SPAG9: variants seen among roughly 807,000 people sequenced by gnomAD.
SPAG9 encodes sperm associated antigen 9.
Under a neutral mutation model 166.5 loss-of-function variants are expected in SPAG9, and 35 were observed. That is an observed-to-expected ratio of 0.21 (90% CI 0.16 to 0.28). SPAG9 has a LOEUF of 0.28. SPAG9 is among the 10% of genes least tolerant of loss of function. The probability of loss-of-function intolerance (pLI) is 1.00; values close to 1 mark genes in which losing one functional copy is unlikely to be tolerated. For missense variants in SPAG9, 1,235 were observed against 1,603.3 expected, an observed-to-expected ratio of 0.77 and a Z score of 3.92; for synonymous variants, 534 against 565.5, an observed-to-expected ratio of 0.94 and a Z score of 0.79.
At chr17:51,001,873 T>C in intron 12 of SPAG9, 28 bp from the exon 13 acceptor site, 1 of 1,602,342 alleles carries the variant, frequency 6.2e-7, no homozygotes, top group African/African-American at 1.3e-5. Flanking sequence ...TGACATATCA[T>C]TCTGGAAGCT....
At chr17:50,966,489 A>C in intron 29 of SPAG9, 102 bp from the exon 30 acceptor site, 2 of 757,788 alleles carry the variant, frequency 2.6e-6, no homozygotes, top group Non-Finnish European at 4.7e-6. Context: ...CAAGATGCCC[A>C]AAACTTGTCT....
At chr17:50,975,540 G>A (rs1974148727) in intron 27 of SPAG9, among the ~76,000 whole-genome samples, 2 of 152,252 alleles carry the variant, frequency 1.3e-5, no homozygotes, top group South Asian at 2.1e-4. Context: ...GTAAGTAAAT[G>A]AAAGAAATAT....
rs1302816774 is a variant in SPAG9 at position 50,966,273 on chromosome 17, C to T, written c.3965G>A (p.Ter1322=). The T allele has an allele frequency of 6.3e-6, 10 of 1,592,614 alleles. No homozygotes were observed. Among genetic ancestry groups the T allele is most frequent in the South Asian group, 1.1e-5 (1 of 90,686 alleles). The change falls in exon 30 of 30, where the codon TGA becomes TAA. Residue 1322 remains the stop codon, a stop_retained_variant. Coordinates refer to ENST00000262013, the MANE Select transcript of SPAG9 (RefSeq NM_001130528.3). ...IVWQVMYGNE[*] is the part of the protein sequence containing the mutation. ...CATCTCCACCTGTTTCCCATGGGCT[C>T]ACTCATTGCCATACATCACTTGCCA...
Position 51,077,049 on chromosome 17 carries a change from TCTAG to T in SPAG9, c.424+2531_424+2534del, listed in dbSNP as rs367746645. On this transcript the variant is annotated intron_variant, in intron 2 of 29. Transcript: ENST00000262013. ...AGCTATCTATCTAGCTATCTAGCTA[TCTAG>T]CTAGCTATCTAGCTAGCTATCTAGC... 4.2e-3 allele frequency among the ~76,000 whole-genome samples: 303 copies of T among 71,682 alleles called. 2 individuals are homozygous for T. Among genetic ancestry groups the T allele is most frequent in the South Asian group, 0.018 (42 of 2,392 alleles). The allele number at this position is 71,682 out of a possible 152,430, so 47.0% of individuals were successfully genotyped here. A position where few individuals can be genotyped will look rare whatever the true frequency, so the allele number is the denominator to read the frequency against.
intron 1 of SPAG9, among the ~76,000 whole-genome samples, chr17:51,115,835 A>T (rs2049272505): frequency 7.4e-6 from 1 of 134,878 alleles, no homozygotes; most frequent in South Asian, 2.1e-4. Flanking sequence ...TCTCAAAAAA[A>T]AAGAAAAGAA....
intron 23 of SPAG9, 56 bp downstream of exon 23, chr17:50,985,642 T>C (rs1052707931): frequency 1.7e-4 from 168 of 970,732 alleles, no homozygotes; most frequent in Non-Finnish European, 2.4e-4. Flanking sequence ...TCTTAAAATC[T>C]AGTTTATACC....
At chr17:51,104,633 T>C (rs897043019) in intron 1 of SPAG9, among the ~76,000 whole-genome samples, 2 of 150,208 alleles carry the variant, frequency 1.3e-5, no homozygotes, top group African/African-American at 4.9e-5. Flanking sequence ...CAAAACGCCA[T>C]CTCAAAAATA....
chr17:51,017,640 T>C (rs916924811), intron 8 of SPAG9, among the ~76,000 whole-genome samples: 2 of 152,202 alleles, frequency 1.3e-5, no homozygotes, highest in African/African-American at 4.8e-5. Flanking sequence ...TAAGTCTCTT[T>C]ATTTATAAAA....
At chr17:51,053,855 G>GTGTATATA (rs1491377804) in intron 3 of SPAG9, among the ~76,000 whole-genome samples, 17 of 37,744 alleles carry the variant, frequency 4.5e-4, no homozygotes, top group African/African-American at 1.3e-3. Context: ...AAAAAAAAAA[G>GTGTATATA]TATATATATA....
intron 28 of SPAG9, among the ~76,000 whole-genome samples, chr17:50,971,422 A>G (rs1187918532): frequency 6.7e-6 from 1 of 149,410 alleles, no homozygotes; most frequent in Non-Finnish European, 1.5e-5. Flanking sequence ...AGATATATGC[A>G]TGGCAAGGTG....
intron 1 of SPAG9, among the ~76,000 whole-genome samples, chr17:51,090,286 G>A (rs1029533526): frequency 6.6e-6 from 1 of 152,012 alleles, no homozygotes; most frequent in African/African-American, 2.4e-5. Flanking sequence ...TTTTTGGGAG[G>A]CCGAGGCAAG....
rs191327446 is a variant in SPAG9 at position 51,016,873 on chromosome 17, C to T, written c.1092-2520G>A. On this transcript the variant is annotated intron_variant, in intron 8 of 29. Coordinates refer to ENST00000262013, the MANE Select transcript of SPAG9 (RefSeq NM_001130528.3). The stretch of plus-strand genomic sequence containing the variant: ...CCGAGATCACACCACTGCACTCCAG[C>T]CTGGGCGACAAAGCGAGACTCCGTC... Among the ~76,000 whole-genome samples the T allele has an allele frequency of 1.3e-3, 197 of 152,236 alleles. 1 individual carries two copies. Among genetic ancestry groups the T allele is most frequent in the African/African-American group, 4.5e-3 (187 of 41,548 alleles).
In SPAG9 at chr17:51,044,859, G is replaced by T. The variant is rs115572946; in HGVS notation, c.590+2516C>A. On this transcript the variant is annotated intron_variant, in intron 4 of 29. Transcript: ENST00000262013. ...ATTTAATCTTAATATCAAAGACTTT[G>T]ATATCTTTATTTAATCAGATCAGTA... Among the ~76,000 whole-genome samples the T allele has an allele frequency of 5.5e-3, 844 of 152,106 alleles. 5 individuals are homozygous for T. Among genetic ancestry groups the T allele is most frequent in the African/African-American group, 0.019 (780 of 41,502 alleles).
intron 1 of SPAG9, among the ~76,000 whole-genome samples, chr17:51,098,740 C>G (rs991995160): frequency 2.0e-5 from 3 of 152,036 alleles, no homozygotes; most frequent in African/African-American, 7.2e-5. Flanking sequence ...GATCCGCCCC[C>G]CTCGGCCTCC....
intron 8 of SPAG9, among the ~76,000 whole-genome samples, chr17:51,015,761 T>C (rs541326492): frequency 2.7e-5 from 4 of 147,904 alleles, no homozygotes; most frequent in African/African-American, 9.9e-5. Context: ...GCAATTAGTA[T>C]AAAATAAAAG....
At chr17:51,029,499 G>A (rs936425526) in intron 6 of SPAG9, among the ~76,000 whole-genome samples, 4 of 152,088 alleles carry the variant, frequency 2.6e-5, no homozygotes, top group African/African-American at 9.7e-5. Flanking sequence ...CAGCCATAAG[G>A]TGAAACCAAC....
chr17:51,060,961 C>A (rs1422811593), intron 2 of SPAG9, among the ~76,000 whole-genome samples: 1 of 151,618 alleles, frequency 6.6e-6, no homozygotes, highest in Non-Finnish European at 1.5e-5. Context: ...ATTCTCCTGC[C>A]TCAGCCTCCC....
chr17:51,098,326 T>G (rs1296435287), intron 1 of SPAG9, among the ~76,000 whole-genome samples: 9 of 69,020 alleles, frequency 1.3e-4, no homozygotes, highest in South Asian at 7.8e-4. Flanking sequence ...CAGTTCGTGG[T>G]TTTTTTTTTC....
chr17:51,113,992 CTCAA>C (rs1194069823), intron 1 of SPAG9, among the ~76,000 whole-genome samples: 2 of 151,742 alleles, frequency 1.3e-5, no homozygotes, highest in Non-Finnish European at 2.9e-5. Flanking sequence ...GAGATCTCGT[CTCAA>C]TCAATCAATC....
Sources: allele counts gnomAD v4.1 joint callset (sites outside exome capture counted in the v4.1 genomes callset), GRCh38; gene constraint gnomAD v4.1.1; transcripts MANE v1.5; gene names NCBI Gene and HGNC (gene_info 2026-07-23, HGNC 2026-07-21).